CFAP299: variants seen among roughly 807,000 people sequenced by gnomAD.
CFAP299 encodes the protein cilia- and flagella-associated protein 299.
In CFAP299, 21 loss-of-function variants were observed where a neutral mutation model predicts 27.0. That is an observed-to-expected ratio of 0.78 (90% CI 0.55 to 1.12). The LOEUF (loss-of-function observed/expected upper bound fraction) is 1.12. Among genes scored for constraint, CFAP299 ranks in the 50% most tolerant of loss-of-function variants. CFAP299 has a pLI of 0.00. For missense variants in CFAP299, 310 were observed against 276.6 expected (o/e 1.12, Z -0.86); for synonymous variants, 104 against 98.1 (o/e 1.06, Z -0.36).
At chr4:80,628,507 T>C (rs1739031004) in intron 3 of CFAP299, among the ~76,000 whole-genome samples, 1 of 152,116 alleles carries the variant, frequency 6.6e-6, no homozygotes, top group Admixed American at 6.6e-5. Flanking sequence ...CAAAAGCTTC[T>C]GTGCAGCAAA....
At chr4:80,949,534 A>AAC (rs1553909055) in intron 5 of CFAP299, among the ~76,000 whole-genome samples, 41 of 43,320 alleles carry the variant, frequency 9.5e-4, no homozygotes, top group Non-Finnish European at 1.9e-3. Context: ...TAAAATTTAA[A>AAC]AACAACAACA....
At chr4:80,730,858 T>C (rs1723480592) in intron 3 of CFAP299, among the ~76,000 whole-genome samples, 1 of 152,224 alleles carries the variant, frequency 6.6e-6, no homozygotes, top group Non-Finnish European at 1.5e-5. Context: ...ACTGCTAAAA[T>C]ATTGAACTAT....
At chr4:80,773,769 A>G (rs1726359774) in intron 3 of CFAP299, among the ~76,000 whole-genome samples, 1 of 151,984 alleles carries the variant, frequency 6.6e-6, no homozygotes, top group Admixed American at 6.6e-5. Flanking sequence ...GATTGCAATT[A>G]AGTGTACATT....
At chr4:80,955,639 A>G (rs1738028328) in intron 5 of CFAP299, among the ~76,000 whole-genome samples, 1 of 152,196 alleles carries the variant, frequency 6.6e-6, no homozygotes, top group Admixed American at 6.5e-5. Context: ...TTAAAGCTGT[A>G]TTTACTGATG....
At chr4:80,900,940 T>C (rs1340103594) in intron 4 of CFAP299, among the ~76,000 whole-genome samples, 1 of 152,122 alleles carries the variant, frequency 6.6e-6, no homozygotes, top group Non-Finnish European at 1.5e-5. Context: ...CCACAGTAGA[T>C]GCTTAGTATT....
At chr4:80,797,083 C>A (rs1194902706) in intron 3 of CFAP299, among the ~76,000 whole-genome samples, 1 of 152,122 alleles carries the variant, frequency 6.6e-6, no homozygotes, top group Admixed American at 6.5e-5. Context: ...CATTTTGGGT[C>A]CCCTGGGATC....
intron 2 of CFAP299, among the ~76,000 whole-genome samples, chr4:80,483,227 T>C (rs1245750386): frequency 6.6e-6 from 1 of 152,234 alleles, no homozygotes; most frequent in African/African-American, 2.4e-5. Flanking sequence ...CACGGAATGC[T>C]GGTGACCTCT....
rs183149241 is a variant in CFAP299, at chr4:80,686,708, A to T, written c.333+103525A>T. On this transcript the variant is annotated intron_variant, in intron 3 of 5. Transcript: ENST00000358105. ...CTTTCTTTGGTGCTTAACCAGGAGGATGGCCTTTCTTGAGCGTAGATTTCT... is the reference window on the plus strand; with the variant it reads ...CTTTCTTTGGTGCTTAACCAGGAGGTTGGCCTTTCTTGAGCGTAGATTTCT... Among the ~76,000 whole-genome samples the T allele has an allele frequency of 8.1e-4, 124 of 152,288 alleles. 1 individual carries two copies. Among genetic ancestry groups the T allele is most frequent in the African/African-American group, 2.8e-3 (116 of 41,556 alleles).
At chr4:80,863,848 A>C (rs1427438674) in intron 3 of CFAP299, among the ~76,000 whole-genome samples, 1 of 152,176 alleles carries the variant, frequency 6.6e-6, no homozygotes, top group Non-Finnish European at 1.5e-5. Flanking sequence ...AAAGCCTTTT[A>C]ATATATAAAG....
chr4:80,725,345 AT>A (rs954361728), intron 3 of CFAP299, among the ~76,000 whole-genome samples: 4 of 151,582 alleles, frequency 2.6e-5, no homozygotes, highest in African/African-American at 7.3e-5. Flanking sequence ...TAAAATTTCT[AT>A]TTTTTTCTTC....
chr4:80,393,374 C>A (rs1725599578), intron 2 of CFAP299, among the ~76,000 whole-genome samples: 1 of 152,042 alleles, frequency 6.6e-6, no homozygotes, highest in South Asian at 2.1e-4. Context: ...TTTAGTGTAG[C>A]CTAGTGCAGT....
At chr4:80,686,322 G>C (rs1720191451) in intron 3 of CFAP299, among the ~76,000 whole-genome samples, 2 of 152,230 alleles carry the variant, frequency 1.3e-5, no homozygotes, top group South Asian at 2.1e-4. Context: ...AGAGGGCTTA[G>C]AGAGCAGAAG....
At chr4:80,675,569 A>G (rs1269673462) in intron 3 of CFAP299, among the ~76,000 whole-genome samples, 1 of 152,198 alleles carries the variant, frequency 6.6e-6, no homozygotes, top group African/African-American at 2.4e-5. Context: ...TGCTCTCTTC[A>G]GAGCTGTCAG....
chr4:80,689,722 G>A (rs894119699), intron 3 of CFAP299, among the ~76,000 whole-genome samples: 1 of 152,128 alleles, frequency 6.6e-6, no homozygotes, highest in African/African-American at 2.4e-5. Flanking sequence ...TGGACTAAAT[G>A]CTCCAATTAA....
chr4:80,345,356 T>C (rs1483489046), intron 1 of CFAP299, among the ~76,000 whole-genome samples: 2 of 152,108 alleles, frequency 1.3e-5, no homozygotes, highest in Admixed American at 6.6e-5. Context: ...ATATGTGCCA[T>C]GTTGGTGTGC....
At position 80,921,647 on chromosome 4, in the gene CFAP299, G is replaced by A. The variant is rs17005006; in HGVS notation, c.477-23163G>A. On this transcript the variant is annotated intron_variant, in intron 4 of 5. Transcript: ENST00000358105. ...TTTAGAATTTATGCTATAGGTGATTGTGACTCATTCAAAGAAATTTGTCCC... is the reference window on the plus strand; with the variant it reads ...TTTAGAATTTATGCTATAGGTGATTATGACTCATTCAAAGAAATTTGTCCC... Among the ~76,000 whole-genome samples the A allele has an allele frequency of 7.7e-3, 1,173 of 152,154 alleles. 3 individuals carry two copies. Among genetic ancestry groups the A allele is most frequent in the Middle Eastern group, 0.014 (4 of 294 alleles).
In CFAP299 at chr4:80,476,960, C is replaced by CGCGTGT. The variant is rs1553926298; in HGVS notation, c.243-106132_243-106131insCGTGTG. The stretch of plus-strand genomic sequence containing the variant: ...GTGTGTGTGCGTGTGTGTGCGCATG[C>CGCGTGT]GTGTGTGTGTGTGTGTGTGTGTGTC... On this transcript the variant is annotated intron_variant, in intron 2 of 5. Coordinates refer to ENST00000358105, the MANE Select transcript of CFAP299 (RefSeq NM_152770.3). 7.4e-3 allele frequency among the ~76,000 whole-genome samples: 786 copies of CGCGTGT among 106,664 alleles called. 6 individuals carry two copies. Among genetic ancestry groups the CGCGTGT allele is most frequent in the African/African-American group, 0.023 (734 of 32,014 alleles). The allele number at this position is 106,664 out of a possible 152,430, so 70.0% of individuals were successfully genotyped here. A position where few individuals can be genotyped will look rare whatever the true frequency, so the allele number is the denominator to read the frequency against.
the CFAP299 span, among the ~76,000 whole-genome samples, chr4:80,328,677 T>C: frequency 1.3e-5 from 2 of 152,278 alleles, no homozygotes; most frequent in Admixed American, 6.5e-5. Flanking sequence ...CATGAATTAG[T>C]TTAGTAAAAT....
intron 2 of CFAP299, among the ~76,000 whole-genome samples, chr4:80,478,364 G>C (rs917470675): frequency 1.3e-5 from 2 of 151,786 alleles, no homozygotes; most frequent in Non-Finnish European, 1.5e-5. Context: ...TTTTTTGTTT[G>C]ATAGCCTTTT....
Sources: allele counts gnomAD v4.1 joint callset (sites outside exome capture counted in the v4.1 genomes callset), GRCh38; gene constraint gnomAD v4.1.1; transcripts MANE v1.5; gene names NCBI Gene and HGNC (gene_info 2026-07-23, HGNC 2026-07-21).